Variants in SAXO1 observed in about 807,000 individuals in gnomAD.
The protein encoded by SAXO1 is stabilizer of axonemal microtubules 1.
Under a neutral mutation model 17.5 loss-of-function variants are expected in SAXO1, and 21 were observed. The ratio of observed to expected loss-of-function variants is 1.20; its 90% CI spans 0.85 to 1.72. The LOEUF (loss-of-function observed/expected upper bound fraction) is 1.72, where lower values mean the gene tolerates loss of function less well. Ranked by LOEUF, SAXO1 falls within the 40% of genes most tolerant of loss-of-function variation. The pLI, the probability that SAXO1 is intolerant of heterozygous loss-of-function variation, is 0.00. For synonymous variants in SAXO1, 274 were observed against 216.5 expected, an observed-to-expected ratio of 1.27 and a Z score of -2.33; for missense variants, 843 against 596.0, an observed-to-expected ratio of 1.41 and a Z score of -4.32.
In SAXO1 at chr9:19,027,094, A is replaced by G; in HGVS notation, c.38+5777T>C. On this transcript the variant is annotated intron_variant, in intron 1 of 3. Coordinates refer to ENST00000380534, the MANE Select transcript of SAXO1 (RefSeq NM_153707.4). ...AACAGTGAGAAAATCAATGTGAACA[A>G]AACCCTGGTGTACCTTGTCTCCAAC... 4 of 911,454 alleles carry G rather than the reference A, an allele frequency of 4.4e-6. No individual in the cohort carries two copies. In the South Asian group the frequency reaches 5.2e-5, roughly 12 times the overall value. The allele number at this position is 911,454 out of a possible 1,614,324, so 56.5% of individuals were successfully genotyped here. A position where few individuals can be genotyped will look rare whatever the true frequency, so the allele number is the denominator to read the frequency against.
At chr9:18,975,540 A>G (rs1833112366) in intron 1 of SAXO1, among the ~76,000 whole-genome samples, 2 of 152,240 alleles carry the variant, frequency 1.3e-5, no homozygotes, top group Non-Finnish European at 2.9e-5. Flanking sequence ...AACAGGTGGC[A>G]GTTATGATTT....
At chr9:18,970,988 C>A (rs952061430) in intron 1 of SAXO1, among the ~76,000 whole-genome samples, 1 of 152,124 alleles carries the variant, frequency 6.6e-6, no homozygotes, top group Non-Finnish European at 1.5e-5. Context: ...AAACGTGGCC[C>A]TGTCTCATGC....
chr9:18,964,752 T>C (rs1832645999), intron 1 of SAXO1, among the ~76,000 whole-genome samples: 1 of 152,198 alleles, frequency 6.6e-6, no homozygotes, highest in Non-Finnish European at 1.5e-5. Flanking sequence ...TGTCTCTAAC[T>C]CCCTCAATTC....
chr9:18,943,615 T>G (rs1452421895), intron 2 of SAXO1, among the ~76,000 whole-genome samples: 1 of 152,200 alleles, frequency 6.6e-6, no homozygotes, highest in East Asian at 1.9e-4. Context: ...CCAAGGGAAG[T>G]TGAGCTCTCC....
chr9:18,972,047 T>C (rs1832962991), intron 1 of SAXO1, among the ~76,000 whole-genome samples: 1 of 152,216 alleles, frequency 6.6e-6, no homozygotes, highest in Admixed American at 6.5e-5. Context: ...TATGTTTTCA[T>C]GAAAGTCAGA....
intron 1 of SAXO1, chr9:19,027,084 A>C: frequency 1.1e-6 from 1 of 876,220 alleles, no homozygotes; most frequent in Non-Finnish European, 2.0e-6. Flanking sequence ...TGAGAAAATC[A>C]ATGTGAACAA....
At chr9:19,007,480 T>A (rs546919413) in intron 1 of SAXO1, among the ~76,000 whole-genome samples, 10 of 152,362 alleles carry the variant, frequency 6.6e-5, no homozygotes, top group African/African-American at 2.4e-4. Context: ...TTTAAACACT[T>A]TAGAATCTGT....
At chr9:19,023,512 C>G (rs1400999008) in intron 1 of SAXO1, among the ~76,000 whole-genome samples, 1 of 152,070 alleles carries the variant, frequency 6.6e-6, no homozygotes, top group Non-Finnish European at 1.5e-5. Context: ...TTTAACATGA[C>G]ACAGTTAGGG....
At chr9:18,972,391 G>T (rs1588461729) in intron 1 of SAXO1, among the ~76,000 whole-genome samples, 2 of 152,120 alleles carry the variant, frequency 1.3e-5, no homozygotes, top group Non-Finnish European at 2.9e-5. Context: ...TGAGACCTTT[G>T]CCTTTTGTTC....
intron 1 of SAXO1, among the ~76,000 whole-genome samples, chr9:18,983,504 C>G (rs1373858061): frequency 6.6e-6 from 1 of 152,180 alleles, no homozygotes; most frequent in Non-Finnish European, 1.5e-5. Flanking sequence ...AAATCCTTTG[C>G]TATTATTTCA....
chr9:18,960,535 T>C (rs1832441830), intron 1 of SAXO1, among the ~76,000 whole-genome samples: 1 of 152,212 alleles, frequency 6.6e-6, no homozygotes, highest in Non-Finnish European at 1.5e-5. Context: ...CCCAGCACTT[T>C]GGAAGACTGA....
At chr9:18,944,156 A>G (rs1397345468) in intron 2 of SAXO1, among the ~76,000 whole-genome samples, 1 of 149,996 alleles carries the variant, frequency 6.7e-6, no homozygotes, top group Non-Finnish European at 1.5e-5. Context: ...GTGTTCCTCT[A>G]TGGTTTAATT....
intron 1 of SAXO1, among the ~76,000 whole-genome samples, chr9:18,957,156 C>T (rs1832289334): frequency 6.6e-6 from 1 of 152,226 alleles, no homozygotes; most frequent in African/African-American, 2.4e-5. Context: ...AGACATCCTC[C>T]TCTTTCCCAC....
intron 1 of SAXO1, among the ~76,000 whole-genome samples, chr9:18,994,007 T>C (rs1201348191): frequency 1.3e-5 from 2 of 152,320 alleles, no homozygotes; most frequent in African/African-American, 4.8e-5. Context: ...AATCAACTTA[T>C]CATTTCTGAC....
chr9:18,939,052 A>G (rs1263513298), intron 3 of SAXO1, among the ~76,000 whole-genome samples: 1 of 152,004 alleles, frequency 6.6e-6, no homozygotes, highest in Non-Finnish European at 1.5e-5. Flanking sequence ...AGCTCTGAAG[A>G]GTCTCTCCCT....
intron 1 of SAXO1, among the ~76,000 whole-genome samples, chr9:19,045,076 C>T (rs1330061334): frequency 3.3e-5 from 5 of 149,906 alleles, no homozygotes; most frequent in African/African-American, 1.2e-4. Flanking sequence ...TTTGGGAGGC[C>T]GAGGCGGGTG....
intron 1 of SAXO1, chr9:19,027,905 A>T: frequency 7.3e-7 from 1 of 1,376,342 alleles, no homozygotes; most frequent in South Asian, 1.2e-5. Context: ...CCTGGGCCAG[A>T]ATCATGCAGA....
intron 1 of SAXO1, among the ~76,000 whole-genome samples, chr9:18,980,558 AGAAGAGGAG>A (rs1563959593): frequency 7.6e-5 from 8 of 105,728 alleles, no homozygotes; most frequent in Non-Finnish European, 1.3e-4. Flanking sequence ...GGGAAGAGGA[AGAAGAGGAG>A]GAGGAGGAGG....
At chr9:18,970,570 G>A (rs145227024) in intron 1 of SAXO1, among the ~76,000 whole-genome samples, 277 of 152,166 alleles carry the variant, frequency 1.8e-3, no homozygotes, top group African/African-American at 6.2e-3. Context: ...CGCTGCCACT[G>A]CTCCCTACCC....
Sources: gnomAD v4.1 joint callset for allele counts (sites outside exome capture counted in the v4.1 genomes callset) on GRCh38, gnomAD v4.1.1 for gene constraint, MANE v1.5 for transcripts, NCBI Gene and HGNC (gene_info 2026-07-23, HGNC 2026-07-21) for gene names.